Variants in C1orf21 observed in about 807,000 individuals in gnomAD.
C1orf21 encodes uncharacterized protein C1orf21.
A neutral mutation model predicts 18.7 loss-of-function variants in C1orf21; 3 were observed. That is an observed-to-expected ratio of 0.16 (90% confidence interval 0.07 to 0.42). The LOEUF is 0.42. C1orf21 is among the 10% of genes least tolerant of loss of function. The pLI, the probability that C1orf21 is intolerant of heterozygous loss-of-function variation, is 0.99. For missense variants in C1orf21, 104 were observed against 143.6 expected, an observed-to-expected ratio of 0.72 and a Z score of 1.41; for synonymous variants, 41 against 46.4, an observed-to-expected ratio of 0.88 and a Z score of 0.47.
intron 3 of C1orf21, among the ~76,000 whole-genome samples, chr1:184,555,223 C>T (rs1658861438): frequency 6.6e-6 from 1 of 152,134 alleles, no homozygotes; most frequent in Non-Finnish European, 1.5e-5. Context: ...AGTTTTCTGC[C>T]TCTTATCAGC....
At chr1:184,434,083 C>T (rs948341952) in intron 1 of C1orf21, among the ~76,000 whole-genome samples, 5 of 152,136 alleles carry the variant, frequency 3.3e-5, no homozygotes, top group African/African-American at 1.2e-4. Flanking sequence ...ATTTTCCAGA[C>T]TCTGGACCCG....
At chr1:184,398,664 G>C (rs1656101708) in intron 1 of C1orf21, among the ~76,000 whole-genome samples, 1 of 152,120 alleles carries the variant, frequency 6.6e-6, no homozygotes, top group African/African-American at 2.4e-5. Flanking sequence ...TAGGCTATAG[G>C]ATATAGCCTA....
rs1659928680 is a variant in C1orf21, at chr1:184,622,259, AATG to A, written c.*2708_*2710del. 6.6e-6 allele frequency: 1 copy of A among 152,204 alleles called. No individual in the cohort carries two copies. The highest frequency in any genetic ancestry group is 1.5e-5 in the Non-Finnish European group (1 of 68,060). 9.4% of individuals were successfully genotyped at this position (152,204 alleles called of 1,614,324 possible). A position where few individuals can be genotyped will look rare whatever the true frequency, so the allele number is the denominator to read the frequency against. On this transcript the variant is annotated 3_prime_UTR_variant, in exon 6 of 6. Transcript: ENST00000235307. ...GTGGCCTGGTGAGTGGAGGTAGAAA[AATG>A]ATGAGAAATGAACTGAGAGCATTAA...
chr1:184,566,173 C>T (rs1357537761), intron 3 of C1orf21, among the ~76,000 whole-genome samples: 1 of 152,156 alleles, frequency 6.6e-6, no homozygotes, highest in East Asian at 1.9e-4. Flanking sequence ...AGCTGCTATA[C>T]TGGCACTGGG....
At chr1:184,397,284 C>T (rs1349299398) in intron 1 of C1orf21, among the ~76,000 whole-genome samples, 1 of 152,164 alleles carries the variant, frequency 6.6e-6, no homozygotes, top group Non-Finnish European at 1.5e-5. Flanking sequence ...TGTTTTCTCA[C>T]CGTTAAAAAA....
intron 5 of C1orf21, among the ~76,000 whole-genome samples, chr1:184,615,016 G>A (rs1042652504): frequency 6.6e-6 from 1 of 152,194 alleles, no homozygotes; most frequent in African/African-American, 2.4e-5. Flanking sequence ...GGAAAAGTAC[G>A]TTAGGCACAT....
chr1:184,580,304 G>C (rs951717631), intron 3 of C1orf21, among the ~76,000 whole-genome samples: 1 of 152,158 alleles, frequency 6.6e-6, no homozygotes, highest in Admixed American at 6.5e-5. Flanking sequence ...TCAGGTTCTC[G>C]ATCTCACTTA....
intron 2 of C1orf21, among the ~76,000 whole-genome samples, chr1:184,501,610 T>C (rs1255263654): frequency 1.3e-5 from 2 of 152,228 alleles, no homozygotes; most frequent in Non-Finnish European, 2.9e-5. Context: ...GACTGCTTCC[T>C]TTCCTAGACA....
intron 1 of C1orf21, among the ~76,000 whole-genome samples, chr1:184,420,698 GC>G (rs1255663314): frequency 6.6e-6 from 1 of 151,912 alleles, no homozygotes; most frequent in Non-Finnish European, 1.5e-5. Flanking sequence ...CTTTTATCTG[GC>G]CTTTTGCTTA....
At chr1:184,482,542 CTG>C (rs1298402037) in intron 2 of C1orf21, among the ~76,000 whole-genome samples, 14 of 152,340 alleles carry the variant, frequency 9.2e-5, no homozygotes, top group Non-Finnish European at 2.9e-5. Flanking sequence ...ATATTTCAAC[CTG>C]GACAATTATA....
rs1031013162 is a variant in C1orf21 at position 184,403,301 on chromosome 1, A to G, written c.-125+15933A>G. Among the ~76,000 whole-genome samples, 8 of 152,248 alleles carry G rather than the reference A, an allele frequency of 5.3e-5. No individual in the cohort carries two copies. The South Asian group carries it at 6.2e-4, about 12-fold the overall frequency. ...GTGCGTGCCAACAGGGATGAATTCAAAAGCATAAAGATGAGTGGAAAAGCA... is the reference window on the plus strand; with the variant it reads ...GTGCGTGCCAACAGGGATGAATTCAGAAGCATAAAGATGAGTGGAAAAGCA... On this transcript the variant is annotated intron_variant, in intron 1 of 5. Transcript: ENST00000235307.
At chr1:184,457,160 C>G (rs1657210507) in intron 1 of C1orf21, among the ~76,000 whole-genome samples, 1 of 152,128 alleles carries the variant, frequency 6.6e-6, no homozygotes, top group South Asian at 2.1e-4. Context: ...AAGATACTTA[C>G]AGAATATTAT....
In C1orf21 at chr1:184,397,578, T is replaced by A. The variant is rs184234364; in HGVS notation, c.-125+10210T>A. Among the ~76,000 whole-genome samples, 584 of 140,148 alleles carry A rather than the reference T, an allele frequency of 4.2e-3. 7 individuals carry two copies. The highest frequency in any genetic ancestry group is 0.018 in the African/African-American group (568 of 31,222). 91.9% of individuals were successfully genotyped at this position (140,148 alleles called of 152,430 possible). A position where few individuals can be genotyped will look rare whatever the true frequency, so the allele number is the denominator to read the frequency against. On this transcript the variant is annotated intron_variant, in intron 1 of 5. Transcript: ENST00000235307. ...TCCAGCCTGGGTGACAGAGTGAGAC[T>A]TGGTCTGAAAAAGAAAAAAAAACAA...
intron 3 of C1orf21, among the ~76,000 whole-genome samples, chr1:184,509,130 A>T (rs1312989277): frequency 2.0e-5 from 3 of 152,150 alleles, no homozygotes; most frequent in Admixed American, 2.0e-4. Flanking sequence ...AAATCTACTA[A>T]TGTGTGTCTC....
intron 3 of C1orf21, among the ~76,000 whole-genome samples, chr1:184,574,877 C>T (rs1386814622): frequency 1.3e-5 from 2 of 152,230 alleles, no homozygotes; most frequent in East Asian, 3.8e-4. Flanking sequence ...GCGGAGGGCC[C>T]AGTCCTGTCA....
intron 2 of C1orf21, among the ~76,000 whole-genome samples, chr1:184,487,143 A>G (rs1194481888): frequency 1.6e-4 from 14 of 88,874 alleles, no homozygotes; most frequent in African/African-American, 1.5e-3. Flanking sequence ...CCTGAGTGAC[A>G]CTACAGATTC....
chr1:184,534,315 G>T (rs936428134), intron 3 of C1orf21, among the ~76,000 whole-genome samples: 9 of 152,162 alleles, frequency 5.9e-5, no homozygotes, highest in Non-Finnish European at 1.2e-4. Context: ...AGCTATTGCC[G>T]AGATTTACTT....
intron 3 of C1orf21, among the ~76,000 whole-genome samples, chr1:184,586,316 G>A (rs1205082967): frequency 7.6e-6 from 1 of 131,784 alleles, no homozygotes; most frequent in Non-Finnish European, 1.5e-5. Flanking sequence ...ACGGAGTCTC[G>A]CTGTCGCCCA....
At chr1:184,481,644 C>A (rs1657657909) in intron 2 of C1orf21, among the ~76,000 whole-genome samples, 1 of 152,074 alleles carries the variant, frequency 6.6e-6, no homozygotes, top group South Asian at 2.1e-4. Context: ...CGTTTAAGGC[C>A]TCTGCTAAAT....
Sources: allele counts gnomAD v4.1 joint callset (sites outside exome capture counted in the v4.1 genomes callset), GRCh38; gene constraint gnomAD v4.1.1; transcripts MANE v1.5; gene names NCBI Gene and HGNC (gene_info 2026-07-23, HGNC 2026-07-21).